CABCOCO1: variants seen among roughly 807,000 people sequenced by gnomAD.
The protein encoded by CABCOCO1 is ciliary associated calcium binding coiled-coil 1.
Under a neutral mutation model 35.7 loss-of-function variants are expected in CABCOCO1, and 28 were observed. The observed-to-expected ratio is 0.78, with a 90% CI of 0.58 to 1.07. CABCOCO1 has a LOEUF of 1.07. Among genes scored for constraint, CABCOCO1 ranks in the 50% least tolerant of loss-of-function variants. The pLI, the probability that CABCOCO1 is intolerant of heterozygous loss-of-function variation, is 0.00. For missense variants in CABCOCO1, 326 were observed against 309.2 expected (o/e 1.05, Z -0.41); for synonymous variants, 95 against 100.1 (o/e 0.95, Z 0.30).
chr10:61,764,642 C>A (rs940251958), intron 7 of CABCOCO1, among the ~76,000 whole-genome samples: 2 of 152,002 alleles, frequency 1.3e-5, no homozygotes, highest in Non-Finnish European at 2.9e-5. Flanking sequence ...AGAGTCAGTG[C>A]ATCCTAAAGG....
chr10:61,710,753 G>T (rs1840715394), intron 5 of CABCOCO1, among the ~76,000 whole-genome samples: 1 of 151,824 alleles, frequency 6.6e-6, no homozygotes, highest in Non-Finnish European at 1.5e-5. Flanking sequence ...CCCAATATTT[G>T]TGTTGCTCTT....
chr10:61,740,779 A>G (rs960941811), intron 5 of CABCOCO1, among the ~76,000 whole-genome samples: 1 of 152,204 alleles, frequency 6.6e-6, no homozygotes, highest in African/African-American at 2.4e-5. Flanking sequence ...TGAGCAATGA[A>G]ATCAATAGAA....
intron 5 of CABCOCO1, among the ~76,000 whole-genome samples, chr10:61,726,593 G>A (rs1841155666): frequency 6.6e-6 from 1 of 151,596 alleles, no homozygotes; most frequent in Admixed American, 6.6e-5. Flanking sequence ...TTATTTTTAT[G>A]AATAAAAAGC....
chr10:61,750,627 G>A (rs759408122), intron 5 of CABCOCO1, among the ~76,000 whole-genome samples: 1 of 152,154 alleles, frequency 6.6e-6, no homozygotes, highest in Non-Finnish European at 1.5e-5. Flanking sequence ...AATCTGTCTG[G>A]TTGTTTGGCA....
At chr10:61,724,321 A>G (rs1051322720) in intron 5 of CABCOCO1, among the ~76,000 whole-genome samples, 1 of 152,208 alleles carries the variant, frequency 6.6e-6, no homozygotes, top group African/African-American at 2.4e-5. Context: ...GACTGAGAAT[A>G]GAGAATATTG....
At chr10:61,740,245 C>A (rs1289687630) in intron 5 of CABCOCO1, among the ~76,000 whole-genome samples, 1 of 152,170 alleles carries the variant, frequency 6.6e-6, no homozygotes, top group Non-Finnish European at 1.5e-5. Context: ...GGAGAGGGAA[C>A]TCTTGTATAA....
At chr10:61,686,248 G>C (rs970581479) in intron 4 of CABCOCO1, 63 bp downstream of exon 4, 1 of 1,372,682 alleles carries the variant, frequency 7.3e-7, no homozygotes, top group African/African-American at 1.5e-5. Context: ...TGTCTGTTAA[G>C]TAAAAAGTAA....
chr10:61,712,345 T>G (rs921732316), intron 5 of CABCOCO1, among the ~76,000 whole-genome samples: 7 of 152,180 alleles, frequency 4.6e-5, no homozygotes, highest in African/African-American at 1.4e-4. Context: ...GCCCAGTTTT[T>G]GATGGGGTTG....
At chr10:61,764,922 T>G (rs537738876) in intron 7 of CABCOCO1, among the ~76,000 whole-genome samples, 2 of 152,310 alleles carry the variant, frequency 1.3e-5, no homozygotes, top group Middle Eastern at 3.4e-3. Flanking sequence ...CTATCTGTTA[T>G]AGTTACACTC....
At chr10:61,715,994 G>A (rs1001583745) in intron 5 of CABCOCO1, among the ~76,000 whole-genome samples, 4 of 151,928 alleles carry the variant, frequency 2.6e-5, no homozygotes, top group African/African-American at 9.7e-5. Flanking sequence ...GTTTCTTGGG[G>A]TTGCTTTTCC....
At chr10:61,723,680 TA>T (rs1326148555) in intron 5 of CABCOCO1, among the ~76,000 whole-genome samples, 1 of 152,128 alleles carries the variant, frequency 6.6e-6, no homozygotes, top group African/African-American at 2.4e-5. Context: ...TCACAGGGCA[TA>T]GAGGAAGAGC....
intron 1 of CABCOCO1, among the ~76,000 whole-genome samples, chr10:61,663,387 T>A (rs528978500): frequency 9.0e-4 from 136 of 151,776 alleles, no homozygotes; most frequent in African/African-American, 3.1e-3. Context: ...TTTTTTTTTT[T>A]AATTCTAGGT....
Position 61,710,313 on chromosome 10 carries a change from G to A in CABCOCO1, c.552+19692G>A, listed in dbSNP as rs79670387. Among the ~76,000 whole-genome samples the A allele has an allele frequency of 3.0e-4, 45 of 151,310 alleles. 1 individual carries two copies. The East Asian group carries it at 8.6e-3, about 29-fold the overall frequency. ...GTGTGTGTAGAGATATAAATATAGAGATAATGATAGAGACATCATTATAAT... is the reference window on the plus strand; with the variant it reads ...GTGTGTGTAGAGATATAAATATAGAAATAATGATAGAGACATCATTATAAT... On this transcript the variant is annotated intron_variant, in intron 5 of 7. Coordinates refer to ENST00000648843, the MANE Select transcript of CABCOCO1 (RefSeq NM_001366906.2).
At chr10:61,763,115 A>G (rs1842040232) in intron 7 of CABCOCO1, among the ~76,000 whole-genome samples, 1 of 152,040 alleles carries the variant, frequency 6.6e-6, no homozygotes, top group Non-Finnish European at 1.5e-5. Flanking sequence ...TACTCGTAAG[A>G]TGTTTTAAAT....
At chr10:61,761,277 T>C (rs1219756342) in intron 7 of CABCOCO1, among the ~76,000 whole-genome samples, 1 of 152,046 alleles carries the variant, frequency 6.6e-6, no homozygotes, top group Non-Finnish European at 1.5e-5. Context: ...CTTCATATCT[T>C]GTCAAACTGT....
intron 5 of CABCOCO1, among the ~76,000 whole-genome samples, chr10:61,702,672 A>G (rs1840490000): frequency 6.6e-6 from 1 of 152,130 alleles, no homozygotes; most frequent in Non-Finnish European, 1.5e-5. Flanking sequence ...CAATGTTTTC[A>G]TAGTGTTCAA....
At chr10:61,694,804 A>T (rs1234229186) in intron 5 of CABCOCO1, among the ~76,000 whole-genome samples, 1 of 152,076 alleles carries the variant, frequency 6.6e-6, no homozygotes, top group Non-Finnish European at 1.5e-5. Context: ...GAGAACAAAA[A>T]TTGGAGGGGG....
chr10:61,699,425 T>A (rs12246717), intron 5 of CABCOCO1, among the ~76,000 whole-genome samples: 5 of 151,972 alleles, frequency 3.3e-5, no homozygotes, highest in South Asian at 2.1e-4. Context: ...CTCTTGAGAC[T>A]GTCACCCAAG....
At chr10:61,735,897 C>A (rs559714474) in intron 5 of CABCOCO1, among the ~76,000 whole-genome samples, 19 of 152,300 alleles carry the variant, frequency 1.2e-4, no homozygotes, top group Admixed American at 1.2e-3. Context: ...AACTACGCTT[C>A]TCTAATTATC....
Sources: gnomAD v4.1 joint callset for allele counts (sites outside exome capture counted in the v4.1 genomes callset) on GRCh38, gnomAD v4.1.1 for gene constraint, MANE v1.5 for transcripts, NCBI Gene and HGNC (gene_info 2026-07-23, HGNC 2026-07-21) for gene names.